CALD1: variants seen among roughly 807,000 people sequenced by gnomAD.
CALD1 encodes caldesmon 1.
In CALD1, 33 loss-of-function variants were observed where a neutral mutation model predicts 99.9. The ratio of observed to expected loss-of-function variants is 0.33; its 90% CI spans 0.25 to 0.44. The LOEUF is 0.44. Ranked by LOEUF, CALD1 falls within the 20% of genes least tolerant of loss-of-function variation. The pLI, the probability that CALD1 is intolerant of heterozygous loss-of-function variation, is 1.00. For synonymous variants in CALD1, 310 were observed against 325.0 expected, an observed-to-expected ratio of 0.95 and a Z score of 0.50; for missense variants, 861 against 962.1, an observed-to-expected ratio of 0.89 and a Z score of 1.39.
At chr7:134,793,676 G>A (rs1360203014) in intron 1 of CALD1, among the ~76,000 whole-genome samples, 1 of 152,026 alleles carries the variant, frequency 6.6e-6, no homozygotes, top group Non-Finnish European at 1.5e-5. Context: ...GGGAAAGAAG[G>A]GGCAGTTAAT....
intron 7 of CALD1, among the ~76,000 whole-genome samples, chr7:134,941,984 A>C (rs1806480553): frequency 6.6e-6 from 1 of 152,188 alleles, no homozygotes; most frequent in Admixed American, 6.5e-5. Context: ...GAATCCTGAG[A>C]GCTCTCTACC....
chr7:134,770,408 T>C (rs1455826007), intron 1 of CALD1, among the ~76,000 whole-genome samples: 1 of 152,176 alleles, frequency 6.6e-6, no homozygotes, highest in Non-Finnish European at 1.5e-5. Flanking sequence ...AAAATCAAGG[T>C]GTCAACAGGG....
chr7:134,728,014 T>C, the CALD1 span, among the ~76,000 whole-genome samples: 2 of 152,198 alleles, frequency 1.3e-5, no homozygotes, highest in African/African-American at 4.8e-5. Context: ...TTTTTGGTGA[T>C]TTTTCTTTGC....
the CALD1 span, among the ~76,000 whole-genome samples, chr7:134,715,502 G>A: frequency 6.6e-6 from 1 of 152,176 alleles, no homozygotes; most frequent in Non-Finnish European, 1.5e-5. Context: ...GGTCAGCATT[G>A]TGCTCTCTTC....
intron 9 of CALD1, among the ~76,000 whole-genome samples, chr7:134,956,352 T>C (rs1007384490): frequency 2.0e-5 from 3 of 152,154 alleles, no homozygotes; most frequent in Non-Finnish European, 2.9e-5. Context: ...TCAAAATTCA[T>C]ATGTTGAAAT....
intron 3 of CALD1, among the ~76,000 whole-genome samples, chr7:134,928,322 G>A (rs1203653711): frequency 1.3e-5 from 2 of 151,416 alleles, no homozygotes; most frequent in Non-Finnish European, 2.9e-5. Flanking sequence ...CCAGCTGCTC[G>A]GGAGGCTGAG....
chr7:134,850,901 T>C (rs1198369486), intron 2 of CALD1, among the ~76,000 whole-genome samples: 1 of 152,128 alleles, frequency 6.6e-6, no homozygotes, highest in East Asian at 1.9e-4. Context: ...TCTCACAAGA[T>C]CTGATGGTTT....
chr7:134,890,436 C>T (rs777765024), intron 3 of CALD1, among the ~76,000 whole-genome samples: 12 of 152,148 alleles, frequency 7.9e-5, no homozygotes, highest in African/African-American at 2.2e-4. Context: ...TCTTTCATTC[C>T]GTGAAAGCGC....
At chr7:134,961,761 A>C (rs1808280644) in intron 13 of CALD1, 1 of 152,146 alleles carries the variant, frequency 6.6e-6, no homozygotes, top group African/African-American at 2.4e-5. Flanking sequence ...TAGGTACAAG[A>C]ATGCGGGTTT....
At chr7:134,814,477 T>C (rs963042374) in intron 1 of CALD1, among the ~76,000 whole-genome samples, 1 of 152,084 alleles carries the variant, frequency 6.6e-6, no homozygotes, top group African/African-American at 2.4e-5. Context: ...ATGAAGAGTG[T>C]AGTGGTGAGA....
chr7:134,966,415 G>C (rs1255258749), intron 14 of CALD1, among the ~76,000 whole-genome samples: 1 of 152,136 alleles, frequency 6.6e-6, no homozygotes, highest in Non-Finnish European at 1.5e-5. Flanking sequence ...AGTACCTGCT[G>C]GTAATTATCA....
intron 1 of CALD1, among the ~76,000 whole-genome samples, chr7:134,835,730 C>T (rs1799407394): frequency 6.6e-6 from 1 of 152,038 alleles, no homozygotes; most frequent in African/African-American, 2.4e-5. Context: ...CTAAGTACAA[C>T]CTTTATTGAT....
rs139047981 is a variant in CALD1 at position 134,754,298 on chromosome 7, G to A, written c.-130+9935G>A. The stretch of plus-strand genomic sequence containing the variant: ...GACCATCTTCTTTAGGTAAACCTAA[G>A]TGTGTATTATAAATGTTAGCATTGG... On this transcript the variant is annotated intron_variant, in intron 1 of 13. Coordinates refer to the CALD1 transcript ENST00000417172. Among the ~76,000 whole-genome samples, 13 of 152,310 alleles carry A rather than the reference G, an allele frequency of 8.5e-5. No homozygotes were observed. The East Asian group carries it at 1.5e-3, about 18-fold the overall frequency.
intron 1 of CALD1, among the ~76,000 whole-genome samples, chr7:134,833,776 T>C (rs1296766777): frequency 6.6e-6 from 1 of 152,218 alleles, no homozygotes; most frequent in Admixed American, 6.5e-5. Context: ...CTGAGAGCAG[T>C]GACCTTGTCT....
At chr7:134,735,413 A>C in the CALD1 span, among the ~76,000 whole-genome samples, 1 of 152,234 alleles carries the variant, frequency 6.6e-6, no homozygotes, top group African/African-American at 2.4e-5. Context: ...GAAATATTGA[A>C]GTAAACCTGG....
chr7:134,830,638 C>G (rs1198128650), intron 1 of CALD1, among the ~76,000 whole-genome samples: 1 of 152,120 alleles, frequency 6.6e-6, no homozygotes, highest in Non-Finnish European at 1.5e-5. Flanking sequence ...ATTTAACTCC[C>G]ACTTATAAGT....
At chr7:134,915,060 T>C (rs184148930) in intron 3 of CALD1, among the ~76,000 whole-genome samples, 140 of 152,350 alleles carry the variant, frequency 9.2e-4, no homozygotes, top group Non-Finnish European at 3.2e-4. Context: ...TTCCAGGTTA[T>C]AGCAGCAAGC....
At position 134,959,994 on chromosome 7, in the gene CALD1, T is replaced by G. The variant is rs761023195; in HGVS notation, c.2082T>G (p.Pro694=). The G allele has an allele frequency of 1.4e-5, 22 of 1,613,780 alleles. No homozygotes were observed. Among genetic ancestry groups the G allele is most frequent in the Middle Eastern group, 3.3e-4 (2 of 6,082 alleles). The part of the protein sequence containing the change: ...SAIEGTKSAK[P]TKPAASDLPV... ...TTCAGGGAACAAAAAGCGCAAAACC[T>G]ACAAAGCCGGCAGCCTCGGATCTTC... Residue 694 remains proline, a synonymous_variant, in exon 12 of 15, where the codon CCT becomes CCG. Transcript: ENST00000361675.
chr7:134,786,382 T>C (rs1797305862), intron 1 of CALD1, among the ~76,000 whole-genome samples: 1 of 152,134 alleles, frequency 6.6e-6, no homozygotes, highest in Admixed American at 6.6e-5. Context: ...ATGAGTGGAC[T>C]TAAAACATAT....
Sources: gnomAD v4.1 joint callset for allele counts (sites outside exome capture counted in the v4.1 genomes callset) on GRCh38, gnomAD v4.1.1 for gene constraint, MANE v1.5 for transcripts, NCBI Gene and HGNC (gene_info 2026-07-23, HGNC 2026-07-21) for gene names.